Variants in STYK1 observed in about 807,000 individuals in gnomAD.
The protein encoded by STYK1 is STY kinase 1.
A neutral mutation model predicts 48.1 loss-of-function variants in STYK1; 46 were observed. The observed-to-expected ratio is 0.96, with a 90% CI of 0.75 to 1.22. The LOEUF is 1.22. Ranked by LOEUF, STYK1 falls within the 50% of genes most tolerant of loss-of-function variation. STYK1 has a pLI of 0.00. For synonymous variants in STYK1, 188 were observed against 189.0 expected (o/e 0.99, Z 0.04); for missense variants, 527 against 521.1 (o/e 1.01, Z -0.11).
chr12:10,647,720 G>A (rs1318972358), intron 1 of STYK1, among the ~76,000 whole-genome samples: 2 of 152,298 alleles, frequency 1.3e-5, no homozygotes, highest in Non-Finnish European at 2.9e-5. Flanking sequence ...ATTCCCATGT[G>A]TTGTGGGAGG....
chr12:10,623,931 C>T (rs1042590350), intron 8 of STYK1, among the ~76,000 whole-genome samples: 2 of 151,920 alleles, frequency 1.3e-5, no homozygotes, highest in East Asian at 1.9e-4. Context: ...AGATAATGTA[C>T]ATTTATAAGT....
At chr12:10,661,531 G>T (rs893613822) in intron 1 of STYK1, among the ~76,000 whole-genome samples, 1 of 152,180 alleles carries the variant, frequency 6.6e-6, no homozygotes, top group Non-Finnish European at 1.5e-5. Context: ...CCTTGATACT[G>T]GTTTTGATTC....
intron 1 of STYK1, among the ~76,000 whole-genome samples, chr12:10,645,307 G>C (rs890657838): frequency 1.3e-5 from 2 of 152,148 alleles, no homozygotes; most frequent in African/African-American, 4.8e-5. Flanking sequence ...AATGTGTTTA[G>C]GGGGCTCTTC....
At chr12:10,633,150 GT>G (rs1565562880) in intron 4 of STYK1, among the ~76,000 whole-genome samples, 1 of 152,150 alleles carries the variant, frequency 6.6e-6, no homozygotes, top group African/African-American at 2.4e-5. Flanking sequence ...GTTTAAAATT[GT>G]TTCAAATGCT....
At chr12:10,620,493 A>G (rs1591671512) in intron 10 of STYK1, 145 bp from the exon 11 acceptor site, 1 of 718,518 alleles carries the variant, frequency 1.4e-6, no homozygotes, top group Non-Finnish European at 2.3e-6. Flanking sequence ...CTTCCCAGAG[A>G]GTGATATTCC....
intron 7 of STYK1, among the ~76,000 whole-genome samples, chr12:10,625,404 A>G (rs1947347169): frequency 1.3e-5 from 2 of 152,032 alleles, no homozygotes. Flanking sequence ...TTTTTAGTAG[A>G]GACGGGGTTT....
chr12:10,654,091 T>A (rs188922255), intron 1 of STYK1, among the ~76,000 whole-genome samples: 2 of 152,172 alleles, frequency 1.3e-5, no homozygotes, highest in African/African-American at 4.8e-5. Context: ...CATTATACAC[T>A]AATTATAATG....
chr12:10,624,506 C>A, intron 8 of STYK1, 145 bp downstream of exon 8: 1 of 740,452 alleles, frequency 1.4e-6, no homozygotes. Flanking sequence ...TGAACTCTGT[C>A]ACATAACATT....
intron 8 of STYK1, among the ~76,000 whole-genome samples, chr12:10,623,161 G>A (rs1947316427): frequency 6.6e-6 from 1 of 152,188 alleles, no homozygotes. Flanking sequence ...AACAGGGCAA[G>A]CTTTATATAT....
Position 10,631,025 on chromosome 12 carries a change from T to A in STYK1, c.451+20A>T. The A allele has an allele frequency of 5.0e-6, 8 of 1,608,550 alleles. No individual in the cohort carries two copies. In the South Asian group the frequency reaches 7.7e-5, roughly 15 times the overall value. ...TATTTACTGTTAGGGGAAGGGGGAGTCAAACACTTCTTGTTTTACCTTTTA... is the reference window on the plus strand; with the variant it reads ...TATTTACTGTTAGGGGAAGGGGGAGACAAACACTTCTTGTTTTACCTTTTA... On this transcript the variant is annotated intron_variant, in intron 5 of 10. Coordinates refer to ENST00000075503, the MANE Select transcript of STYK1 (RefSeq NM_018423.3).
intron 2 of STYK1, among the ~76,000 whole-genome samples, chr12:10,635,030 T>C (rs1947470742): frequency 6.6e-6 from 1 of 152,260 alleles, no homozygotes; most frequent in South Asian, 2.1e-4. Flanking sequence ...ATCTGAACTG[T>C]GATCCATGGG....
At chr12:10,666,138 T>C (rs1317955839) in intron 1 of STYK1, among the ~76,000 whole-genome samples, 1 of 152,172 alleles carries the variant, frequency 6.6e-6, no homozygotes, top group African/African-American at 2.4e-5. Flanking sequence ...TCAAAGAGCA[T>C]GTAGGTGAGG....
At chr12:10,649,205 A>T (rs1341818449) in intron 1 of STYK1, among the ~76,000 whole-genome samples, 1 of 152,234 alleles carries the variant, frequency 6.6e-6, no homozygotes, top group African/African-American at 2.4e-5. Flanking sequence ...AATAAAAAAA[A>T]ATCAACCATG....
intron 7 of STYK1, among the ~76,000 whole-genome samples, chr12:10,627,029 C>A (rs1029371047): frequency 1.3e-5 from 2 of 152,058 alleles, no homozygotes; most frequent in Non-Finnish European, 2.9e-5. Flanking sequence ...AATAAATAAA[C>A]AAATATTTAA....
intron 8 of STYK1, among the ~76,000 whole-genome samples, chr12:10,623,828 A>G (rs993203564): frequency 3.3e-5 from 5 of 152,196 alleles, no homozygotes; most frequent in African/African-American, 1.2e-4. Flanking sequence ...TATTTACACT[A>G]AAAGATACTA....
chr12:10,658,326 T>C (rs909918899), intron 1 of STYK1, among the ~76,000 whole-genome samples: 5 of 152,226 alleles, frequency 3.3e-5, no homozygotes, highest in Admixed American at 3.3e-4. Flanking sequence ...AAATCTGGCT[T>C]TCTCTCTTGA....
At chr12:10,664,456 G>T (rs1050516920) in intron 1 of STYK1, among the ~76,000 whole-genome samples, 1 of 152,140 alleles carries the variant, frequency 6.6e-6, no homozygotes, top group African/African-American at 2.4e-5. Flanking sequence ...CTAAACTCAG[G>T]TGTAAAGATG....
chr12:10,673,679 TG>T (rs1286871194), intron 1 of STYK1: 1 of 151,954 alleles, frequency 6.6e-6, no homozygotes, highest in Non-Finnish European at 1.5e-5. Context: ...CCCCCATTCC[TG>T]GGTTTTCTCA....
intron 1 of STYK1, among the ~76,000 whole-genome samples, chr12:10,646,253 T>C (rs1436066381): frequency 1.3e-5 from 2 of 152,188 alleles, no homozygotes; most frequent in African/African-American, 4.8e-5. Flanking sequence ...TAGAGACTTG[T>C]TGAATGACTT....
Sources: allele counts gnomAD v4.1 joint callset (sites outside exome capture counted in the v4.1 genomes callset), GRCh38; gene constraint gnomAD v4.1.1; transcripts MANE v1.5; gene names NCBI Gene and HGNC (gene_info 2026-07-23, HGNC 2026-07-21).